TRIP11: variants seen among roughly 807,000 people sequenced by gnomAD.
The protein encoded by TRIP11 is thyroid hormone receptor interactor 11.
Under a neutral mutation model 223.1 loss-of-function variants are expected in TRIP11, and 148 were observed. The observed-to-expected ratio is 0.66, with a 90% confidence interval of 0.58 to 0.76. The LOEUF (loss-of-function observed/expected upper bound fraction) is 0.76, where lower values mean the gene tolerates loss of function less well. Ranked by LOEUF, TRIP11 falls within the 30% of genes least tolerant of loss-of-function variation. TRIP11 has a pLI of 0.00. For missense variants in TRIP11, 2,043 were observed against 2,222.0 expected (o/e 0.92, Z 1.62); for synonymous variants, 762 against 772.6 (o/e 0.99, Z 0.23).
chr14:92,014,378 C>T lies in TRIP11; in HGVS notation c.1023G>A (p.Val341=). The change falls in exon 7 of 21, where the codon GTG becomes GTA. Residue 341 remains valine, a synonymous_variant. Coordinates refer to ENST00000267622, the MANE Select transcript of TRIP11 (RefSeq NM_004239.4). ...ATTCTTCCATTATTTGTCTCTTTTC[C>T]ACATTTAGCTGTTCTTGTTCTCTCC... ...ILRREQEQLN[V]EKRQIMEECE... is the part of the protein sequence containing the mutation. 1.2e-6 allele frequency: 2 copies of T among 1,613,790 alleles called. No individual in the cohort carries two copies. Among genetic ancestry groups the T allele is most frequent in the Non-Finnish European group, 1.7e-6 (2 of 1,179,984 alleles).
chr14:92,012,011 CTA>C lies in TRIP11; in HGVS notation c.1187-218_1187-217del, dbSNP rs58527736. On this transcript the variant is annotated intron_variant, in intron 7 of 20. Transcript: ENST00000267622. The stretch of plus-strand genomic sequence containing the variant: ...TTAAAAACCACATTAAAATCCAAGT[CTA>C]TGGATAAGCATAAGAAAAAATTGAA... 0.1 allele frequency among the ~76,000 whole-genome samples: 15,756 copies of C among 152,094 alleles called. 841 individuals carry two copies. Among genetic ancestry groups the C allele is most frequent in the Non-Finnish European group, 0.12 (7,986 of 67,996 alleles).
At position 92,039,793 on chromosome 14, in the gene TRIP11, A is replaced by T; in HGVS notation, c.-108T>A. 1 of 1,548,652 alleles carries T rather than the reference A, an allele frequency of 6.5e-7. No individual in the cohort carries two copies. On this transcript the variant is annotated 5_prime_UTR_variant, in exon 1 of 21. Transcript: ENST00000267622. ...TGAACGCCTGCCTTCGCGAGACAGG[A>T]TACGATAACACAAAGCTGGGTTCTC... is the stretch of plus-strand genomic sequence containing the variant.
At chr14:92,021,210 T>C (rs562795379) in intron 4 of TRIP11, among the ~76,000 whole-genome samples, 1 of 151,766 alleles carries the variant, frequency 6.6e-6, no homozygotes, top group East Asian at 1.9e-4. Flanking sequence ...CTGGCCAAAA[T>C]GGTGAAACCC....
At chr14:91,988,633 TAAA>T (rs749287959) in intron 15 of TRIP11, among the ~76,000 whole-genome samples, 343 of 99,476 alleles carry the variant, frequency 3.4e-3, no homozygotes, top group Middle Eastern at 5.3e-3. Context: ...ATGACAGAAG[TAAA>T]AAAAAAAAAA....
intron 17 of TRIP11, 82 bp downstream of exon 17, chr14:91,976,026 A>G: frequency 7.4e-7 from 1 of 1,348,804 alleles, no homozygotes; most frequent in African/African-American, 1.4e-5. Context: ...AATCACATAT[A>G]AACATCTACA....
rs1224282421 is a variant in TRIP11 at position 92,014,259 on chromosome 14, C to A, written c.1142G>T (p.Ser381Ile). Residue 381 changes from serine (S) to isoleucine (I), a missense_variant, in exon 7 of 21, where the codon AGT (serine) becomes ATT (isoleucine). Physicochemically the swap from Ser to Ile is moderately radical, Grantham distance 142 (BLOSUM62 -2). Transcript: ENST00000267622. Reference protein sequence around the residue: ...MTEKERILAQSASVEEVFRLQ... With the variant: ...MTEKERILAQIASVEEVFRLQ... ...TCTGAACACTTCTTCCACTGATGCA[C>A]TCTGGGCAAGAATTCTTTCCTTTTC... The A allele has an allele frequency of 6.2e-7, 1 of 1,614,070 alleles. No individual in the cohort carries two copies. The highest frequency in any genetic ancestry group is 8.5e-7 in the Non-Finnish European group (1 of 1,180,002).
Position 92,025,372 on chromosome 14 carries a change from C to G in TRIP11, c.250G>C (p.Ala84Pro). 6.2e-7 allele frequency: 1 copy of G among 1,613,394 alleles called. No individual in the cohort carries two copies. Among genetic ancestry groups the G allele is most frequent in the South Asian group, 1.1e-5 (1 of 91,068 alleles). Residue 84 changes from alanine to proline, a missense_variant, in exon 3 of 21, where the codon GCA becomes CCA. Transcript: ENST00000267622. ...TGCTGCTTTATTTGAATCTCTGATG[C>G]TTCATGTTTCTCTTCTAGATCAGTA... is the stretch of plus-strand genomic sequence containing the variant. ...LCTDLEEKHE[A>P]SEIQIKQQST...
chr14:92,009,201 T>C (rs561233494), intron 9 of TRIP11, among the ~76,000 whole-genome samples: 2 of 152,308 alleles, frequency 1.3e-5, no homozygotes, highest in East Asian at 1.9e-4. Flanking sequence ...AAAAAAATTA[T>C]TTAGTGTTTT....
At chr14:92,012,819 TCTAA>T (rs1202485479) in intron 7 of TRIP11, among the ~76,000 whole-genome samples, 1 of 152,158 alleles carries the variant, frequency 6.6e-6, no homozygotes, top group East Asian at 1.9e-4. Flanking sequence ...CATTATCATG[TCTAA>T]CTAAGAAATT....
intron 1 of TRIP11, among the ~76,000 whole-genome samples, chr14:92,038,593 A>T (rs1435921657): frequency 3.3e-5 from 5 of 152,036 alleles, no homozygotes; most frequent in Non-Finnish European, 7.3e-5. Context: ...CCCGATTTCT[A>T]CCAAATAAAT....
At chr14:92,001,059 C>T (rs535852315) in intron 11 of TRIP11, among the ~76,000 whole-genome samples, 1 of 151,990 alleles carries the variant, frequency 6.6e-6, no homozygotes, top group Non-Finnish European at 1.5e-5. Flanking sequence ...CAGGGTTACA[C>T]CATGTTGGCC....
rs1437672048 is a variant in TRIP11, at chr14:92,004,264, C to T, written c.3712G>A (p.Glu1238Lys). 5 of 1,613,992 alleles carry T rather than the reference C, an allele frequency of 3.1e-6. No homozygotes were observed. The highest frequency in any genetic ancestry group is 2.2e-5 in the East Asian group (1 of 44,884). ...AGCTCTTCCTGAAGCTGGGCTGACTCGTGTTGCATATTTTGTACTGTGGTC... is the reference window on the plus strand; with the variant it reads ...AGCTCTTCCTGAAGCTGGGCTGACTTGTGTTGCATATTTTGTACTGTGGTC... ...VMTTVQNMQH[E>K]SAQLQEELHQ... Residue 1238 changes from glutamate to lysine, a missense_variant, in exon 11 of 21, where the codon GAG becomes AAG. Glu to Lys is a moderately conservative substitution (Grantham distance 56, BLOSUM62 1). Coordinates refer to ENST00000267622, the MANE Select transcript of TRIP11 (RefSeq NM_004239.4).
Position 92,000,101 on chromosome 14 carries a change from G to C in TRIP11, c.4565C>G (p.Thr1522Ser). 1 of 1,613,742 alleles carries C rather than the reference G, an allele frequency of 6.2e-7. No homozygotes were observed. Among genetic ancestry groups the C allele is most frequent in the Non-Finnish European group, 8.5e-7 (1 of 1,179,882 alleles). ...ATTTAAAAGCTGATTTAACTCTCCAGTCTTGCCCTTTTGGAAAGAAAAAAT... is the reference window on the plus strand; with the variant it reads ...ATTTAAAAGCTGATTTAACTCTCCACTCTTGCCCTTTTGGAAAGAAAAAAT... The part of the protein sequence containing the change: ...QLLKEKEQGK[T>S]GELNQLLNAV... The change falls in exon 12 of 21, where the codon ACT becomes AGT. Residue 1522 changes from threonine (T) to serine (S), a missense_variant. Coordinates refer to ENST00000267622, the MANE Select transcript of TRIP11 (RefSeq NM_004239.4).
chr14:91,987,386 C>T (rs986135582), intron 16 of TRIP11, among the ~76,000 whole-genome samples: 1 of 152,124 alleles, frequency 6.6e-6, no homozygotes, highest in African/African-American at 2.4e-5. Context: ...GGTCTCCATG[C>T]GTCAGTGGTT....
In TRIP11 at chr14:91,969,395, C is replaced by G. The variant is rs2056373521; in HGVS notation, c.*278G>C. 5 of 430,410 alleles carry G rather than the reference C, an allele frequency of 1.2e-5. No individual in the cohort carries two copies. Among genetic ancestry groups the G allele is most frequent in the Non-Finnish European group, 2.1e-5 (5 of 237,046 alleles). 26.7% of individuals were successfully genotyped at this position (430,410 alleles called of 1,614,324 possible). ...GCCATATAGCTACTAGTATTTTTGT[C>G]TGTCTGTATTTTTGTAAATTAAGGT... On this transcript the variant is annotated 3_prime_UTR_variant, in exon 21 of 21. Coordinates refer to ENST00000267622, the MANE Select transcript of TRIP11 (RefSeq NM_004239.4).
rs372045593 is a variant in TRIP11, at chr14:92,021,823, G to A, written c.321C>T (p.Ile107=). The stretch of plus-strand genomic sequence containing the variant: ...CAATCTGTCTGGCTTTAAGATGGCT[G>A]ATTTCTACCTATATATTTATAATCC... ...RNQLQQKEVE[I]SHLKARQIAL... Residue 107 remains isoleucine (I), a synonymous_variant, in exon 4 of 21, where the codon ATC becomes ATT. Coordinates refer to ENST00000267622, the MANE Select transcript of TRIP11 (RefSeq NM_004239.4). 125 of 1,613,574 alleles carry A rather than the reference G, an allele frequency of 7.7e-5. No homozygotes were observed. The highest frequency in any genetic ancestry group is 2.3e-4 in the Admixed American group (14 of 60,000).
rs535045309 is a variant in TRIP11, at chr14:92,004,123, C to T, written c.3853G>A (p.Gly1285Arg). The T allele has an allele frequency of 1.4e-5, 22 of 1,614,128 alleles. No homozygotes were observed. In the African/African-American group the frequency reaches 2.1e-4, roughly 16 times the overall value. Residue 1285 changes from glycine to arginine, a missense_variant, in exon 11 of 21, where the codon GGG becomes AGG. By Grantham distance (125) the Gly-to-Arg change is moderately radical (BLOSUM62 -2). Transcript: ENST00000267622. ...EQNETKLKNF[G>R]QELAQVQHSI... ...TGCTGAACTTGTGCTAATTCCTGCCCAAAATTTTTGAGTTTGGTTTCATTC... is the reference window on the plus strand; with the variant it reads ...TGCTGAACTTGTGCTAATTCCTGCCTAAAATTTTTGAGTTTGGTTTCATTC...
chr14:92,025,510 C>CCCCA, intron 2 of TRIP11, 90 bp from the exon 3 acceptor site: 2 of 832,944 alleles, frequency 2.4e-6, no homozygotes, highest in Non-Finnish European at 3.9e-6. Flanking sequence ...GTACTGCTTT[C>CCCCA]CCCCCCCAAA....
At chr14:91,996,640 T>C (rs927378614) in intron 13 of TRIP11, among the ~76,000 whole-genome samples, 1 of 152,222 alleles carries the variant, frequency 6.6e-6, no homozygotes, top group Non-Finnish European at 1.5e-5. Context: ...TAAAATGTTT[T>C]GTAAGGAACC....
Sources: allele counts gnomAD v4.1 joint callset (sites outside exome capture counted in the v4.1 genomes callset), GRCh38; gene constraint gnomAD v4.1.1; transcripts MANE v1.5; gene names NCBI Gene and HGNC (gene_info 2026-07-23, HGNC 2026-07-21).